Variants in PDXDC1 observed in about 807,000 individuals in gnomAD.
PDXDC1 encodes the protein pyridoxal-dependent decarboxylase domain-containing protein 1.
Under a neutral mutation model 100.1 loss-of-function variants are expected in PDXDC1, and 42 were observed. That is an observed-to-expected ratio of 0.42 (90% CI 0.33 to 0.54). The LOEUF is 0.54. Among genes scored for constraint, PDXDC1 ranks in the 20% least tolerant of loss-of-function variants. The probability of loss-of-function intolerance (pLI) is 0.10; values close to 1 mark genes in which losing one functional copy is unlikely to be tolerated. For missense variants in PDXDC1, 636 were observed against 979.2 expected (o/e 0.65, Z 4.68); for synonymous variants, 260 against 371.7 (o/e 0.70, Z 3.46).
At chr16:15,014,206 C>CAAAAAAA (rs199890384) in intron 8 of PDXDC1, among the ~76,000 whole-genome samples, 1 of 144,236 alleles carries the variant, frequency 6.9e-6, no homozygotes, top group Non-Finnish European at 1.5e-5. Context: ...GACTCTGTCT[C>CAAAAAAA]AAAAAAAAAA....
chr16:15,148,673 C>A, the PDXDC1 span, among the ~76,000 whole-genome samples: 1 of 151,626 alleles, frequency 6.6e-6, no homozygotes, highest in Non-Finnish European at 1.5e-5. Flanking sequence ...CGTGAGTGAC[C>A]CCTTGTCCAT....
chr16:15,038,536 G>A (rs371123670), downstream of PDXDC1: 3 of 1,111,380 alleles, frequency 2.7e-6, no homozygotes, highest in African/African-American at 1.6e-5. Context: ...AAACCAGGGT[G>A]CAGAGATTTA....
At chr16:15,018,293 C>T (rs1245634714) in intron 11 of PDXDC1, among the ~76,000 whole-genome samples, 2 of 152,338 alleles carry the variant, frequency 1.3e-5, no homozygotes, top group South Asian at 2.1e-4. Context: ...CCTGTAGTCC[C>T]AGCTACTCAT....
chr16:15,089,582 C>G lies in PDXDC1; in HGVS notation c.1400-49297C>G, dbSNP rs77808777. Reference sequence around the variant, plus strand: ...TTGGGAGGCCAAGGCGGGCGGATCACGAGGTCAGAAGATCGAGACCATCCT... The same window carrying G: ...TTGGGAGGCCAAGGCGGGCGGATCAGGAGGTCAGAAGATCGAGACCATCCT... On this transcript the variant is annotated intron_variant, in intron 16 of 16. Coordinates refer to the PDXDC1 transcript ENST00000535621. 2.0e-5 allele frequency among the ~76,000 whole-genome samples: 3 copies of G among 151,306 alleles called. No homozygotes were observed. The South Asian group carries it at 6.3e-4, about 32-fold the overall frequency.
At position 15,036,097 on chromosome 16, in the gene PDXDC1, A is replaced by G. The variant is rs1018747756; in HGVS notation, c.2189A>G (p.Glu730Gly). 27 of 1,614,016 alleles carry G rather than the reference A, an allele frequency of 1.7e-5. 1 individual carries two copies. The Middle Eastern group carries it at 4.9e-4, about 30-fold the overall frequency. ...TCAGTCAGTCACATTGAAGACTTAG[A>G]AAAGGTGGAGCGCCTATCCAGTGGG... The part of the protein sequence containing the change: ...TSSVSHIEDL[E>G]KVERLSSGPE... The change falls in exon 23 of 23, where the codon GAA becomes GGA. Residue 730 changes from glutamate (E) to glycine (G), a missense_variant. Glu to Gly is a moderately conservative substitution (Grantham distance 98, BLOSUM62 -2). Transcript: ENST00000396410.
intron 16 of PDXDC1, among the ~76,000 whole-genome samples, chr16:15,117,396 C>G (rs1192214691): frequency 6.9e-6 from 1 of 145,342 alleles, no homozygotes; most frequent in Admixed American, 7.0e-5. Flanking sequence ...CGCGGTGGCT[C>G]ACGCCTGTAA....
intron 1 of PDXDC1, among the ~76,000 whole-genome samples, chr16:14,995,600 C>T (rs1330858083): frequency 2.0e-5 from 3 of 152,274 alleles, no homozygotes; most frequent in Non-Finnish European, 4.4e-5. Context: ...GTCTAAAATT[C>T]TCTTTTTTTG....
chr16:15,024,181 T>C (rs1248186756), intron 13 of PDXDC1, among the ~76,000 whole-genome samples: 1 of 152,288 alleles, frequency 6.6e-6, no homozygotes, highest in Non-Finnish European at 1.5e-5. Context: ...ATGGCTGTTT[T>C]TTCAGTAGAG....
chr16:15,035,980 C>G (rs1567736080), intron 22 of PDXDC1, 36 bp from the exon 23 acceptor site: 4 of 1,578,036 alleles, frequency 2.5e-6, no homozygotes, highest in Non-Finnish European at 3.4e-6. Flanking sequence ...AGTATCCTCA[C>G]TGAGTTTCAG....
Position 15,074,327 on chromosome 16 carries a change from T to C in PDXDC1, c.1399+44271T>C, listed in dbSNP as rs1005251306. 5.9e-5 allele frequency among the ~76,000 whole-genome samples: 9 copies of C among 152,186 alleles called. No individual in the cohort carries two copies. In the South Asian group the frequency reaches 6.2e-4, roughly 11 times the overall value. On this transcript the variant is annotated intron_variant, in intron 16 of 16. Coordinates refer to the PDXDC1 transcript ENST00000535621. ...GTTCCATGAAGTCAAGAAGCACATA[T>C]AGTACTAACACTGGCACAACAATGG...
chr16:15,055,048 A>AGGGCAG (rs1371530402), intron 16 of PDXDC1, among the ~76,000 whole-genome samples: 2 of 152,256 alleles, frequency 1.3e-5, no homozygotes, highest in East Asian at 3.9e-4. Flanking sequence ...AAACACTCCG[A>AGGGCAG]GGGCAGGGAC....
At chr16:15,030,963 T>C (rs565446568) in intron 16 of PDXDC1, among the ~76,000 whole-genome samples, 3 of 151,704 alleles carry the variant, frequency 2.0e-5, no homozygotes, top group Non-Finnish European at 2.9e-5. Flanking sequence ...GTTTTTATTT[T>C]TTTTTTAGAA....
intron 16 of PDXDC1, chr16:15,094,211 G>T (rs761062517): frequency 8.1e-6 from 13 of 1,596,124 alleles, no homozygotes; most frequent in Non-Finnish European, 1.0e-5. Flanking sequence ...CGGCAAACGC[G>T]TGTGAAGCAG....
intron 16 of PDXDC1, among the ~76,000 whole-genome samples, chr16:15,075,416 G>GA (rs1358551264): frequency 6.6e-6 from 1 of 151,546 alleles, no homozygotes; most frequent in East Asian, 1.9e-4. Context: ...TACAAAAATA[G>GA]AAAAAAAGTA....
intron 16 of PDXDC1, among the ~76,000 whole-genome samples, chr16:15,053,287 T>C (rs2044366944): frequency 6.6e-6 from 1 of 152,190 alleles, no homozygotes; most frequent in Non-Finnish European, 1.5e-5. Context: ...TGCCCCACAG[T>C]CCTCATCTGT....
intron 16 of PDXDC1, among the ~76,000 whole-genome samples, chr16:15,069,345 G>A (rs928179430): frequency 6.6e-6 from 1 of 152,164 alleles, no homozygotes; most frequent in Non-Finnish European, 1.5e-5. Flanking sequence ...GCAGGGTTCA[G>A]AGACCCCGGT....
chr16:15,136,720 TC>T, intron 16 of PDXDC1: 1 of 1,503,282 alleles, frequency 6.7e-7, no homozygotes, highest in Non-Finnish European at 9.2e-7. Flanking sequence ...AGAGAAGATC[TC>T]CGTGTCCGAG....
chr16:15,076,457 T>G, intron 16 of PDXDC1: 1 of 864,416 alleles, frequency 1.2e-6, no homozygotes, highest in South Asian at 1.4e-5. Flanking sequence ...CTGAACTATT[T>G]TAATTCTTTC....
rs572242400 is a variant in PDXDC1 at position 15,030,506 on chromosome 16, A to G, written c.1399+450A>G. On this transcript the variant is annotated intron_variant, in intron 16 of 22. Transcript: ENST00000396410. The stretch of plus-strand genomic sequence containing the variant: ...GGTTGCAGTGAGCTGAGATTACACC[A>G]CTGCACTCCAGCCTGGGGGACAGAG... Among the ~76,000 whole-genome samples the G allele has an allele frequency of 5.4e-5, 7 of 129,662 alleles. No individual in the cohort carries two copies. The East Asian group carries it at 1.3e-3, about 24-fold the overall frequency. 85.1% of individuals were successfully genotyped at this position (129,662 alleles called of 152,430 possible).
Sources: gnomAD v4.1 joint callset for allele counts (sites outside exome capture counted in the v4.1 genomes callset) on GRCh38, gnomAD v4.1.1 for gene constraint, MANE v1.5 for transcripts, NCBI Gene and HGNC (gene_info 2026-07-23, HGNC 2026-07-21) for gene names.